RBFOX1: variants seen among roughly 807,000 people sequenced by gnomAD.
RBFOX1 encodes RNA binding protein fox-1 homolog 1.
A neutral mutation model predicts 57.7 loss-of-function variants in RBFOX1; 8 were observed. The ratio of observed to expected loss-of-function variants is 0.14; its 90% CI spans 0.08 to 0.25. The LOEUF (loss-of-function observed/expected upper bound fraction) is 0.25, where lower values mean the gene tolerates loss of function less well. RBFOX1 is among the 10% of genes least tolerant of loss of function. The pLI, the probability that RBFOX1 is intolerant of heterozygous loss-of-function variation, is 1.00. For synonymous variants in RBFOX1, 326 were observed against 222.4 expected (o/e 1.47, Z -4.15); for missense variants, 611 against 548.5 (o/e 1.11, Z -1.14).
intron 4 of RBFOX1, among the ~76,000 whole-genome samples, chr16:7,172,167 G>T (rs2080829342): frequency 6.6e-6 from 1 of 152,048 alleles, no homozygotes; most frequent in Admixed American, 6.6e-5. Context: ...CTGCATCCTG[G>T]AATTAAAGTG....
chr16:7,531,742 C>T (rs186562602), intron 5 of RBFOX1, among the ~76,000 whole-genome samples: 114 of 152,304 alleles, frequency 7.5e-4, no homozygotes, highest in Middle Eastern at 3.4e-3. Flanking sequence ...GTGATTACCC[C>T]GTTAGTAGTT....
chr16:7,226,344 T>C (rs2093119267), intron 4 of RBFOX1, among the ~76,000 whole-genome samples: 1 of 152,148 alleles, frequency 6.6e-6, no homozygotes, highest in Non-Finnish European at 1.5e-5. Flanking sequence ...AGAAGTGCAG[T>C]GTGTAATGCC....
At chr16:6,858,716 G>A (rs764891517) in intron 3 of RBFOX1, among the ~76,000 whole-genome samples, 4 of 152,070 alleles carry the variant, frequency 2.6e-5, no homozygotes, top group Non-Finnish European at 5.9e-5. Flanking sequence ...TGAGTGTTCA[G>A]CTCAGCCTCT....
chr16:6,873,473 C>G (rs563407090), intron 3 of RBFOX1, among the ~76,000 whole-genome samples: 1 of 152,118 alleles, frequency 6.6e-6, no homozygotes, highest in African/African-American at 2.4e-5. Context: ...TGTGTATCTT[C>G]TGCAATTGCA....
chr16:7,283,555 C>A (rs2095590865), intron 4 of RBFOX1, among the ~76,000 whole-genome samples: 1 of 152,042 alleles, frequency 6.6e-6, no homozygotes, highest in African/African-American at 2.4e-5. Flanking sequence ...CAGGGAAACA[C>A]CCTTGACATT....
At chr16:5,835,955 G>A (rs2056443979) in intron 3 of RBFOX1, among the ~76,000 whole-genome samples, 1 of 152,158 alleles carries the variant, frequency 6.6e-6, no homozygotes, top group Non-Finnish European at 1.5e-5. Flanking sequence ...AGGGAAGTTG[G>A]GGAAGAGGAA....
chr16:7,673,464 T>C (rs543880218), intron 13 of RBFOX1, among the ~76,000 whole-genome samples: 113 of 152,298 alleles, frequency 7.4e-4, no homozygotes, highest in African/African-American at 2.6e-3. Flanking sequence ...CCCAGCACTT[T>C]GGGAGGCTGA....
rs115468959 is a variant in RBFOX1 at position 5,743,410 on chromosome 16, T to C, written c.319-123893T>C. On this transcript the variant is annotated intron_variant, in intron 3 of 19. Transcript: ENST00000641259. The stretch of plus-strand genomic sequence containing the variant: ...CCAAATGAGACCTTTGCAGAGCATG[T>C]CCCGTGGAAGGAGGAGTCTTACATT... Among the ~76,000 whole-genome samples, 274 of 152,232 alleles carry C rather than the reference T, an allele frequency of 1.8e-3. 2 individuals carry two copies. Among genetic ancestry groups the C allele is most frequent in the African/African-American group, 6.5e-3 (270 of 41,546 alleles).
chr16:7,399,395 C>T (rs1479766448), intron 4 of RBFOX1, among the ~76,000 whole-genome samples: 4 of 151,922 alleles, frequency 2.6e-5, no homozygotes, highest in Admixed American at 1.3e-4. Context: ...TGCAGTGAGC[C>T]GGGATCAGAC....
In RBFOX1 at chr16:6,340,317, G is replaced by A. The variant is rs145027470; in HGVS notation, c.-64+23260G>A. On this transcript the variant is annotated intron_variant, in intron 2 of 15. Transcript: ENST00000550418. ...CTCATGACCTAAATTAGTTACTGGT[G>A]TTACCGAAAATGGGTTTGGATCCAG... Among the ~76,000 whole-genome samples, 247 of 152,244 alleles carry A rather than the reference G, an allele frequency of 1.6e-3. 1 individual carries two copies. The highest frequency in any genetic ancestry group is 5.4e-3 in the African/African-American group (226 of 41,548).
intron 3 of RBFOX1, among the ~76,000 whole-genome samples, chr16:6,729,558 C>T (rs956872110): frequency 6.6e-6 from 1 of 152,148 alleles, no homozygotes; most frequent in Non-Finnish European, 1.5e-5. Flanking sequence ...AAGCCTAATA[C>T]TTCTGTCTCT....
intron 2 of RBFOX1, among the ~76,000 whole-genome samples, chr16:6,490,896 G>A (rs2095617636): frequency 6.6e-6 from 1 of 152,096 alleles, no homozygotes; most frequent in African/African-American, 2.4e-5. Flanking sequence ...ACTGTCAAAT[G>A]TCCTTTTTTA....
At chr16:7,476,598 G>C (rs141679820) in intron 4 of RBFOX1, among the ~76,000 whole-genome samples, 1 of 152,154 alleles carries the variant, frequency 6.6e-6, no homozygotes, top group South Asian at 2.1e-4. Context: ...GTAACATTCT[G>C]AAATGAAGTC....
chr16:6,467,047 A>G (rs1038784398), intron 2 of RBFOX1, among the ~76,000 whole-genome samples: 1 of 151,120 alleles, frequency 6.6e-6, no homozygotes, highest in Non-Finnish European at 1.5e-5. Flanking sequence ...ATTACGTGTA[A>G]TGTAACATAT....
intron 3 of RBFOX1, among the ~76,000 whole-genome samples, chr16:5,612,707 T>A (rs1042575956): frequency 6.6e-6 from 1 of 151,182 alleles, no homozygotes; most frequent in Non-Finnish European, 1.5e-5. Flanking sequence ...GCCAGAGGAG[T>A]TTTAGGAACT....
intron 3 of RBFOX1, among the ~76,000 whole-genome samples, chr16:5,660,013 T>C (rs550498678): frequency 8.7e-4 from 132 of 152,334 alleles, no homozygotes; most frequent in African/African-American, 3.0e-3. Flanking sequence ...TTTTATTCTA[T>C]TTTTATGAAT....
At chr16:6,394,727 C>T (rs552282530) in intron 2 of RBFOX1, among the ~76,000 whole-genome samples, 5 of 151,712 alleles carry the variant, frequency 3.3e-5, no homozygotes, top group East Asian at 1.9e-4. Context: ...TATACTCCAC[C>T]AGTCCTCTGT....
At chr16:6,731,790 CT>C (rs924592442) in intron 3 of RBFOX1, among the ~76,000 whole-genome samples, 1 of 152,130 alleles carries the variant, frequency 6.6e-6, no homozygotes, top group African/African-American at 2.4e-5. Context: ...CCATTTCTCC[CT>C]TCCCCACTGC....
intron 3 of RBFOX1, among the ~76,000 whole-genome samples, chr16:6,909,214 C>T (rs1419904578): frequency 1.3e-5 from 2 of 152,166 alleles, no homozygotes; most frequent in African/African-American, 2.4e-5. Flanking sequence ...TTGCCGGTTT[C>T]TAGAGGCCAC....
Sources: gnomAD v4.1 joint callset for allele counts (sites outside exome capture counted in the v4.1 genomes callset) on GRCh38, gnomAD v4.1.1 for gene constraint, MANE v1.5 for transcripts, NCBI Gene and HGNC (gene_info 2026-07-23, HGNC 2026-07-21) for gene names.